ADH7: variants seen among roughly 807,000 people sequenced by gnomAD.
ADH7 encodes all-trans-retinol dehydrogenase [NAD(+)] ADH7.
ADH7 carries 41 observed loss-of-function variants against 34.4 expected under a neutral mutation model. The ratio of observed to expected loss-of-function variants is 1.19; its 90% CI spans 0.93 to 1.55. ADH7 has a LOEUF of 1.55. ADH7 is among the 40% of genes most tolerant of loss of function. The probability of loss-of-function intolerance (pLI) is 0.00; values close to 1 mark genes in which losing one functional copy is unlikely to be tolerated. For missense variants in ADH7, 540 were observed against 461.2 expected (o/e 1.17, Z -1.56); for synonymous variants, 180 against 160.9 (o/e 1.12, Z -0.90).
rs1484298236 is a variant in ADH7, at chr4:99,428,075, A to G, written c.347+12T>C. The G allele has an allele frequency of 6.2e-7, 1 of 1,613,828 alleles. No homozygotes were observed. Among genetic ancestry groups the G allele is most frequent in the Non-Finnish European group, 8.5e-7 (1 of 1,179,778 alleles). On this transcript the variant is annotated intron_variant, in intron 4 of 8. Coordinates refer to ENST00000437033, the MANE Select transcript of ADH7 (RefSeq NM_000673.7). ...ATGTAAATACATTAAAGTAAAAATG[A>G]CTGAAACCTACTCGCTCCTAATGCA...
At chr4:99,427,323 A>C (rs990041387) in intron 5 of ADH7, among the ~76,000 whole-genome samples, 1 of 152,216 alleles carries the variant, frequency 6.6e-6, no homozygotes, top group Admixed American at 6.6e-5. Context: ...TATCTATAAC[A>C]GGTGATCTGA....
intron 5 of ADH7, among the ~76,000 whole-genome samples, chr4:99,424,451 T>G (rs1455592409): frequency 6.6e-6 from 1 of 152,194 alleles, no homozygotes; most frequent in African/African-American, 2.4e-5. Flanking sequence ...TGGCATTGAA[T>G]CTATAAATTA....
intron 6 of ADH7, 141 bp from the exon 7 acceptor site, chr4:99,419,262 A>G: frequency 9.5e-7 from 1 of 1,053,934 alleles, no homozygotes. Flanking sequence ...AAAAAATTTC[A>G]GTGCAACTTT....
intron 5 of ADH7, among the ~76,000 whole-genome samples, chr4:99,421,060 A>G (rs1390188342): frequency 2.6e-5 from 4 of 152,232 alleles, no homozygotes; most frequent in Non-Finnish European, 4.4e-5. Flanking sequence ...ATATCGTGAA[A>G]ATGGCCATAC....
chr4:99,420,589 T>G lies in ADH7; in HGVS notation c.769A>C (p.Met257Leu). 5 of 1,613,968 alleles carry G rather than the reference T, an allele frequency of 3.1e-6. No homozygotes were observed. Among genetic ancestry groups the G allele is most frequent in the Non-Finnish European group, 4.2e-6 (5 of 1,179,936 alleles). Residue 257 changes from methionine (M) to leucine (L), a missense_variant, in exon 6 of 9, where the codon ATG (methionine) becomes CTG (leucine). Met to Leu is a conservative substitution (Grantham distance 15). Transcript: ENST00000437033. ...GTGTATCCCACGTTGTTGCCTGTCA[T>G]TTCTGACAGCACCTCACTGATGGGT... ...TKPISEVLSEMTGNNVGYTFE... is the reference protein window; with the variant it reads ...TKPISEVLSELTGNNVGYTFE...
At chr4:99,434,713 T>C (rs551884532) in intron 1 of ADH7, among the ~76,000 whole-genome samples, 1 of 152,304 alleles carries the variant, frequency 6.6e-6, no homozygotes, top group African/African-American at 2.4e-5. Flanking sequence ...TGATAAAAAT[T>C]ACATTTGTAA....
At chr4:99,435,178 AG>A in intron 1 of ADH7, 37 bp downstream of exon 1, 1 of 1,607,378 alleles carries the variant, frequency 6.2e-7, no homozygotes, top group Non-Finnish European at 8.5e-7. Context: ...TCACATCATT[AG>A]GTCATGATGA....
chr4:99,434,949 G>T, intron 1 of ADH7: 1 of 1,263,654 alleles, frequency 7.9e-7, no homozygotes, highest in South Asian at 1.3e-5. Context: ...ATCAAATTAT[G>T]AATAATGCCA....
At chr4:99,426,437 C>T (rs538458643) in intron 5 of ADH7, among the ~76,000 whole-genome samples, 30 of 152,146 alleles carry the variant, frequency 2.0e-4, no homozygotes, top group South Asian at 4.1e-4. Context: ...AACACCTCTA[C>T]GCAAATAAAC....
intron 7 of ADH7, among the ~76,000 whole-genome samples, chr4:99,418,403 G>C (rs571242684): frequency 6.6e-6 from 1 of 152,052 alleles, no homozygotes; most frequent in Non-Finnish European, 1.5e-5. Context: ...CTGTATGAAG[G>C]CACTAGAAAA....
At chr4:99,423,864 C>T (rs1189321390) in intron 5 of ADH7, among the ~76,000 whole-genome samples, 1 of 152,080 alleles carries the variant, frequency 6.6e-6, no homozygotes, top group African/African-American at 2.4e-5. Flanking sequence ...TTTTGCTGTG[C>T]AGAAGCTCTT....
rs554686551 is a variant in ADH7 at position 99,419,119 on chromosome 4, A to G, written c.828T>C (p.Ile276=). The G allele has an allele frequency of 4.7e-4, 756 of 1,613,422 alleles. 6 individuals carry two copies. The South Asian group carries it at 7.9e-3, about 17-fold the overall frequency. Residue 276 remains isoleucine (I), a splice_region_variant and synonymous_variant, in exon 7 of 9, where the codon ATT becomes ATC. Coordinates refer to ENST00000437033, the MANE Select transcript of ADH7 (RefSeq NM_000673.7). The stretch of plus-strand genomic sequence containing the variant: ...TCATGTGGCAGGATGCCAGGGCATC[A>G]ATCTGAGTTTAAAACGGAGGAGATC... ...FEVIGHLETM[I]DALASCHMNY...
At chr4:99,413,391 T>C (rs1010700184) in intron 8 of ADH7, among the ~76,000 whole-genome samples, 3 of 152,212 alleles carry the variant, frequency 2.0e-5, no homozygotes, top group Non-Finnish European at 4.4e-5. Flanking sequence ...AATTTCAGTA[T>C]GCCAACAAGA....
chr4:99,427,056 T>C (rs867023469), intron 5 of ADH7, among the ~76,000 whole-genome samples: 7 of 152,210 alleles, frequency 4.6e-5, no homozygotes, highest in Non-Finnish European at 7.3e-5. Context: ...TGATGGGACG[T>C]ATCTCAAAAT....
intron 7 of ADH7, among the ~76,000 whole-genome samples, chr4:99,416,977 ATAAC>A (rs1242765172): frequency 2.0e-5 from 3 of 152,088 alleles, no homozygotes; most frequent in African/African-American, 2.4e-5. Flanking sequence ...TTGCCATACA[ATAAC>A]TATTTCGGCA....
At chr4:99,423,886 G>A (rs1172567836) in intron 5 of ADH7, among the ~76,000 whole-genome samples, 1 of 151,974 alleles carries the variant, frequency 6.6e-6, no homozygotes, top group African/African-American at 2.4e-5. Context: ...AGTTTAATTA[G>A]ATCCCATTTG....
intron 5 of ADH7, among the ~76,000 whole-genome samples, chr4:99,426,758 A>G (rs1286351544): frequency 6.6e-6 from 1 of 152,194 alleles, no homozygotes. Context: ...ACACAACCAA[A>G]AAAGAGAATT....
Position 99,427,832 on chromosome 4 carries a change from C to G in ADH7, c.505G>C (p.Val169Leu). ...GAAAACCCACAGCCAATTAAACAGACTTTCTCAGGAGGAGCTGCATCATCA... is the reference window on the plus strand; with the variant it reads ...GAAAACCCACAGCCAATTAAACAGAGTTTCTCAGGAGGAGCTGCATCATCA... ...KIDDAAPPEK[V>L]CLIGCGFSTG... is the part of the protein sequence containing the mutation. Residue 169 changes from valine to leucine, a missense_variant, in exon 5 of 9, where the codon GTC becomes CTC. Physicochemically the swap from Val to Leu is conservative, Grantham distance 32 (BLOSUM62 1). Coordinates refer to ENST00000437033, the MANE Select transcript of ADH7 (RefSeq NM_000673.7). 1 of 1,610,192 alleles carries G rather than the reference C, an allele frequency of 6.2e-7. No individual in the cohort carries two copies.
chr4:99,419,169 T>G, intron 6 of ADH7, 48 bp from the exon 7 acceptor site: 2 of 1,589,182 alleles, frequency 1.3e-6, no homozygotes, highest in South Asian at 1.1e-5. Context: ...TCTCTTACAG[T>G]GTGACATAAG....
Sources: gnomAD v4.1 joint callset for allele counts (sites outside exome capture counted in the v4.1 genomes callset) on GRCh38, gnomAD v4.1.1 for gene constraint, MANE v1.5 for transcripts, NCBI Gene and HGNC (gene_info 2026-07-23, HGNC 2026-07-21) for gene names.